The following GPC6 variants were observed in gnomAD, a reference collection of about 807,000 sequenced individuals.
GPC6 encodes the protein glypican-6.
Under a neutral mutation model 55.2 loss-of-function variants are expected in GPC6, and 14 were observed. The observed-to-expected ratio is 0.25, with a 90% CI of 0.17 to 0.40. The LOEUF (loss-of-function observed/expected upper bound fraction) is 0.40, where lower values mean the gene tolerates loss of function less well. Among genes scored for constraint, GPC6 ranks in the 10% least tolerant of loss-of-function variants. The pLI is 1.00. For missense variants in GPC6, 641 were observed against 708.5 expected (o/e 0.90, Z 1.08); for synonymous variants, 278 against 259.6 (o/e 1.07, Z -0.68).
intron 1 of GPC6, among the ~76,000 whole-genome samples, chr13:93,452,941 G>A (rs115744118): frequency 1.8e-3 from 268 of 152,276 alleles, no homozygotes; most frequent in African/African-American, 6.1e-3. Flanking sequence ...CCTGTAATGT[G>A]CCAACCTTTC....
chr13:93,793,829 T>A (rs181502069), intron 2 of GPC6, among the ~76,000 whole-genome samples: 1 of 152,212 alleles, frequency 6.6e-6, no homozygotes, highest in Non-Finnish European at 1.5e-5. Context: ...CTTTGTGATA[T>A]GAATCCACAG....
At chr13:94,080,945 C>G (rs559373174) in intron 4 of GPC6, among the ~76,000 whole-genome samples, 2 of 152,274 alleles carry the variant, frequency 1.3e-5, no homozygotes, top group East Asian at 3.9e-4. Context: ...TCATCAATGC[C>G]AAAGATGTTC....
chr13:94,262,347 C>G (rs1891678887), intron 4 of GPC6, among the ~76,000 whole-genome samples: 1 of 152,068 alleles, frequency 6.6e-6, no homozygotes, highest in African/African-American at 2.4e-5. Flanking sequence ...TTTAAAGTCT[C>G]TAAGTGATTC....
chr13:94,247,232 G>A (rs1891223495), intron 4 of GPC6, among the ~76,000 whole-genome samples: 1 of 152,070 alleles, frequency 6.6e-6, no homozygotes, highest in Non-Finnish European at 1.5e-5. Flanking sequence ...TTTATTAGAT[G>A]TAATAGTTGT....
At chr13:94,141,685 CA>C (rs1429078213) in intron 4 of GPC6, among the ~76,000 whole-genome samples, 2 of 152,114 alleles carry the variant, frequency 1.3e-5, no homozygotes. Flanking sequence ...AAAATTAAAG[CA>C]GAGAAAAGTG....
At chr13:94,213,974 G>A (rs9516368) in intron 4 of GPC6, among the ~76,000 whole-genome samples, 107,677 of 152,054 alleles carry the variant, frequency 0.71, 38,178 homozygotes, top group East Asian at 0.83. Flanking sequence ...CTGAAAATCT[G>A]TTTTGTTCTA....
chr13:93,679,156 T>C (rs1594365932), intron 2 of GPC6, among the ~76,000 whole-genome samples: 1 of 152,142 alleles, frequency 6.6e-6, no homozygotes, highest in African/African-American at 2.4e-5. Context: ...TCTGTACAGA[T>C]AGATAACAAT....
Position 93,245,794 on chromosome 13 carries a change from C to T in GPC6, c.160+18178C>T, listed in dbSNP as rs76855083. 8.2e-3 allele frequency among the ~76,000 whole-genome samples: 1,244 copies of T among 152,250 alleles called. 26 individuals carry two copies. The highest frequency in any genetic ancestry group is 0.028 in the African/African-American group (1,180 of 41,548). On this transcript the variant is annotated intron_variant, in intron 1 of 8. Transcript: ENST00000377047. ...ACAAGTTGTACTACTTAGATCTCCC[C>T]GCATACTTTAAAAAGTTTACATGAG...
chr13:93,523,443 A>T (rs540004389), intron 1 of GPC6, among the ~76,000 whole-genome samples: 1 of 45,126 alleles, frequency 2.2e-5, no homozygotes, highest in East Asian at 2.7e-4. Context: ...GACATTTTAC[A>T]CACACACACA....
At chr13:93,497,310 C>G (rs1484176181) in intron 1 of GPC6, among the ~76,000 whole-genome samples, 4 of 152,184 alleles carry the variant, frequency 2.6e-5, no homozygotes, top group Admixed American at 1.3e-4. Flanking sequence ...AGACTTGTCA[C>G]CCCGCTTTAT....
intron 2 of GPC6, among the ~76,000 whole-genome samples, chr13:93,561,263 C>A (rs1404966140): frequency 6.6e-6 from 1 of 151,652 alleles, no homozygotes; most frequent in Admixed American, 6.6e-5. Context: ...TAATTAATTT[C>A]TTTCACTGGA....
chr13:93,811,302 C>G (rs188220792), intron 2 of GPC6, among the ~76,000 whole-genome samples: 1 of 152,296 alleles, frequency 6.6e-6, no homozygotes, highest in East Asian at 1.9e-4. Context: ...ATGGACTGCT[C>G]AAAAACAAGC....
chr13:93,325,874 T>C lies in GPC6; in HGVS notation c.160+98258T>C, dbSNP rs145012839. Among the ~76,000 whole-genome samples, 618 of 152,276 alleles carry C rather than the reference T, an allele frequency of 4.1e-3. 5 individuals are homozygous for C. The highest frequency in any genetic ancestry group is 0.014 in the African/African-American group (600 of 41,560). ...GGGACTAATGAGGAGACTCTGGCAG[T>C]GTGGATACAGAGGAGGTATTCAGGG... On this transcript the variant is annotated intron_variant, in intron 1 of 8. Coordinates refer to ENST00000377047, the MANE Select transcript of GPC6 (RefSeq NM_005708.5).
chr13:94,336,601 T>C (rs1041260952), intron 6 of GPC6, among the ~76,000 whole-genome samples: 1 of 152,148 alleles, frequency 6.6e-6, no homozygotes, highest in Non-Finnish European at 1.5e-5. Context: ...GGAGAACCTT[T>C]CTGAATTATG....
intron 4 of GPC6, among the ~76,000 whole-genome samples, chr13:94,129,128 T>C (rs1440849107): frequency 6.6e-6 from 1 of 152,154 alleles, no homozygotes. Flanking sequence ...ATAATGTGTG[T>C]TTAGCACATT....
chr13:93,391,602 G>C (rs1476686710), intron 1 of GPC6, among the ~76,000 whole-genome samples: 1 of 152,156 alleles, frequency 6.6e-6, no homozygotes, highest in Non-Finnish European at 1.5e-5. Flanking sequence ...CATTCGTTTT[G>C]TTAAAGAGAA....
chr13:93,855,752 A>G (rs1022350456), intron 3 of GPC6, among the ~76,000 whole-genome samples: 6 of 151,504 alleles, frequency 4.0e-5, no homozygotes, highest in Non-Finnish European at 8.9e-5. Flanking sequence ...TTTCTTTTGC[A>G]TTTCCCTGAT....
At chr13:94,027,040 C>G (rs1882924535) in intron 3 of GPC6, among the ~76,000 whole-genome samples, 2 of 152,062 alleles carry the variant, frequency 1.3e-5, no homozygotes, top group South Asian at 4.1e-4. Flanking sequence ...CTTAAAAAGC[C>G]CTTATTGGTT....
At chr13:93,814,107 A>C (rs1456418821) in intron 2 of GPC6, among the ~76,000 whole-genome samples, 2 of 152,130 alleles carry the variant, frequency 1.3e-5, no homozygotes, top group South Asian at 2.1e-4. Flanking sequence ...GGTAATTTTA[A>C]ATAATGAGAA....
Sources: gnomAD v4.1 joint callset for allele counts (sites outside exome capture counted in the v4.1 genomes callset) on GRCh38, gnomAD v4.1.1 for gene constraint, MANE v1.5 for transcripts, NCBI Gene and HGNC (gene_info 2026-07-23, HGNC 2026-07-21) for gene names.